NAALAD2: variants seen among roughly 807,000 people sequenced by gnomAD.
NAALAD2 encodes the protein N-acetylated-alpha-linked acidic dipeptidase 2.
In NAALAD2, 89 loss-of-function variants were observed where a neutral mutation model predicts 95.6. The observed-to-expected ratio is 0.93, with a 90% confidence interval of 0.78 to 1.11. The LOEUF (loss-of-function observed/expected upper bound fraction) is 1.11. Among genes scored for constraint, NAALAD2 ranks in the 50% least tolerant of loss-of-function variants. The pLI is 0.00. For synonymous variants in NAALAD2, 264 were observed against 294.4 expected, an observed-to-expected ratio of 0.90 and a Z score of 1.06; for missense variants, 894 against 872.4, an observed-to-expected ratio of 1.02 and a Z score of -0.31.
In NAALAD2 at chr11:90,150,485, G is replaced by A. The variant is rs773732566; in HGVS notation, c.487G>A (p.Asp163Asn). 6.3e-7 allele frequency: 1 copy of A among 1,596,978 alleles called. No homozygotes were observed. Among genetic ancestry groups the A allele is most frequent in the Non-Finnish European group, 8.6e-7 (1 of 1,169,042 alleles). Residue 163 changes from aspartate (D) to asparagine (N), a missense_variant, in exon 5 of 19, where the codon GAT becomes AAT. Coordinates refer to ENST00000534061, the MANE Select transcript of NAALAD2 (RefSeq NM_005467.4). ...AFSAQGMPEG[D>N]LVYVNYARTE... is the part of the protein sequence containing the mutation. ...ATATATTTTCTTTTCCCTATAGGGA[G>A]ATCTTGTATATGTGAACTATGCTCG...
At chr11:90,182,094 T>A (rs898203942) in intron 17 of NAALAD2, among the ~76,000 whole-genome samples, 1 of 152,152 alleles carries the variant, frequency 6.6e-6, no homozygotes, top group Non-Finnish European at 1.5e-5. Context: ...TTTATGAGTT[T>A]AAGTGCGTTT....
intron 1 of NAALAD2, among the ~76,000 whole-genome samples, chr11:90,135,338 T>TG (rs1951427506): frequency 6.6e-6 from 1 of 152,202 alleles, no homozygotes; most frequent in Admixed American, 6.5e-5. Flanking sequence ...AAAGAGCTTC[T>TG]CTTAAATAAA....
At chr11:90,134,985 G>A in intron 1 of NAALAD2, 145 bp downstream of exon 1, 1 of 761,452 alleles carries the variant, frequency 1.3e-6, no homozygotes, top group Non-Finnish European at 2.2e-6. Flanking sequence ...GCACATTTCA[G>A]CAAAACTAGA....
At chr11:90,152,646 T>C (rs1951920588) in intron 6 of NAALAD2, among the ~76,000 whole-genome samples, 162 bp downstream of exon 6, 1 of 152,202 alleles carries the variant, frequency 6.6e-6, no homozygotes, top group African/African-American at 2.4e-5. Context: ...TTTGCTCTTG[T>C]ATTATTTTAG....
intron 18 of NAALAD2, among the ~76,000 whole-genome samples, chr11:90,190,908 A>G (rs1167924233): frequency 6.6e-6 from 1 of 152,112 alleles, no homozygotes; most frequent in Non-Finnish European, 1.5e-5. Context: ...CTTTCTGGAA[A>G]GCAAAATTCT....
chr11:90,149,665 C>T (rs1204722497), intron 4 of NAALAD2, among the ~76,000 whole-genome samples: 4 of 151,908 alleles, frequency 2.6e-5, no homozygotes, highest in East Asian at 3.9e-4. Context: ...CTCGAACTCC[C>T]GACCTCAGGT....
intron 11 of NAALAD2, among the ~76,000 whole-genome samples, chr11:90,166,220 G>A (rs567975461): frequency 3.9e-5 from 6 of 152,054 alleles, no homozygotes; most frequent in East Asian, 1.9e-4. Context: ...TAGAGAGAGC[G>A]GTGAAGGGCT....
rs1242348534 is a variant in NAALAD2 at position 90,192,788 on chromosome 11, A to AAAGACTGT, written c.*1043_*1050dup. The AAAGACTGT allele has an allele frequency of 6.6e-6, 1 of 151,966 alleles. No individual in the cohort carries two copies. Among genetic ancestry groups the AAAGACTGT allele is most frequent in the Non-Finnish European group, 1.5e-5 (1 of 67,868 alleles). 9.4% of individuals were successfully genotyped at this position (151,966 alleles called of 1,614,324 possible). A position where few individuals can be genotyped will look rare whatever the true frequency, so the allele number is the denominator to read the frequency against. ...ACAATCTTCATATTCTAACTCCTAT[A>AAAGACTGT]AAGACTGTATATCAGAATCTGCAAA... On this transcript the variant is annotated 3_prime_UTR_variant, in exon 19 of 19. Transcript: ENST00000534061.
intron 18 of NAALAD2, among the ~76,000 whole-genome samples, chr11:90,189,220 T>C (rs1857250930): frequency 6.6e-6 from 1 of 152,186 alleles, no homozygotes; most frequent in South Asian, 2.1e-4. Context: ...GATTCTCCTC[T>C]AGTGCCTCCA....
chr11:90,144,357 T>A (rs1390572155), intron 2 of NAALAD2, among the ~76,000 whole-genome samples: 2 of 152,066 alleles, frequency 1.3e-5, no homozygotes, highest in East Asian at 3.9e-4. Context: ...TAAGAAGGCC[T>A]CCTAGCTGAA....
chr11:90,146,434 C>G (rs536304000), intron 2 of NAALAD2, among the ~76,000 whole-genome samples: 2 of 132,000 alleles, frequency 1.5e-5, no homozygotes, highest in Non-Finnish European at 3.1e-5. Flanking sequence ...TCTCGGCTCA[C>G]TGCAACCTCC....
At chr11:90,132,975 A>G (rs3808980), upstream of NAALAD2, among the ~76,000 whole-genome samples, 18,887 of 152,264 alleles carry the variant, frequency 0.12, 1,524 homozygotes, top group East Asian at 0.21. Context: ...GGTTTGCTTC[A>G]AAGTTAAGTA....
intron 3 of NAALAD2, 35 bp from the exon 4 acceptor site, chr11:90,148,971 A>AT (rs774613728): frequency 1.5e-6 from 2 of 1,344,172 alleles, no homozygotes; most frequent in South Asian, 2.5e-5. Context: ...ATAATCTGGA[A>AT]TTTTTCTAAC....
chr11:90,164,218 T>C (rs1256099636), intron 11 of NAALAD2: 1 of 152,466 alleles, frequency 6.6e-6, no homozygotes, highest in Admixed American at 6.5e-5. Context: ...GGGTTTTTTT[T>C]CTTCACATAT....
In NAALAD2 at chr11:90,135,574, C is replaced by A. The variant is rs1276773293; in HGVS notation, c.98C>A (p.Pro33His). Reference protein sequence around the residue: ...MGFMVGWFIKPLKETTTSVRY... With the variant: ...MGFMVGWFIKHLKETTTSVRY... ...TTTTCCTTAGGCTGGTTTATTAAGCCTCTCAAAGAAACGACCACTTCTGTG... is the reference window on the plus strand; with the variant it reads ...TTTTCCTTAGGCTGGTTTATTAAGCATCTCAAAGAAACGACCACTTCTGTG... Residue 33 changes from proline (P) to histidine (H), a missense_variant, in exon 2 of 19, where the codon CCT (proline) becomes CAT (histidine). Pro to His is a moderately conservative substitution (Grantham distance 77). Transcript: ENST00000534061. The A allele has an allele frequency of 6.2e-7, 1 of 1,609,470 alleles. No individual in the cohort carries two copies. The highest frequency in any genetic ancestry group is 8.5e-7 in the Non-Finnish European group (1 of 1,177,540).
intron 2 of NAALAD2, among the ~76,000 whole-genome samples, chr11:90,143,868 A>C (rs1951683380): frequency 6.6e-6 from 1 of 152,222 alleles, no homozygotes; most frequent in Non-Finnish European, 1.5e-5. Context: ...GTTGAGTAGT[A>C]TCTCTATTTT....
At position 90,163,623 on chromosome 11, in the gene NAALAD2, T is replaced by C. The variant is rs373836165; in HGVS notation, c.1278+6T>C. ...GTTCCACAGAATGGGCTGAGGTAAA[T>C]AAGACAAAGAAGGTTCTTATTATTT... On this transcript the variant is annotated splice_donor_region_variant and intron_variant, in intron 11 of 18. Coordinates refer to ENST00000534061, the MANE Select transcript of NAALAD2 (RefSeq NM_005467.4). The C allele has an allele frequency of 2.5e-6, 4 of 1,613,300 alleles. No homozygotes were observed. Among genetic ancestry groups the C allele is most frequent in the African/African-American group, 2.7e-5 (2 of 74,886 alleles).
At chr11:90,134,522 G>A (rs539291395), upstream of NAALAD2, 2,206 of 532,310 alleles carry the variant, frequency 4.1e-3, 7 homozygotes, top group Non-Finnish European at 6.2e-3. Context: ...GGGATCCACA[G>A]AATGGAAGTT....
intron 2 of NAALAD2, among the ~76,000 whole-genome samples, chr11:90,136,740 G>A (rs1171221344): frequency 6.6e-6 from 1 of 152,122 alleles, no homozygotes; most frequent in East Asian, 1.9e-4. Flanking sequence ...ATGAACAGAT[G>A]TTTACAAGTC....
Sources: allele counts gnomAD v4.1 joint callset (sites outside exome capture counted in the v4.1 genomes callset), GRCh38; gene constraint gnomAD v4.1.1; transcripts MANE v1.5; gene names NCBI Gene and HGNC (gene_info 2026-07-23, HGNC 2026-07-21).